ARNT2: variants seen among roughly 807,000 people sequenced by gnomAD.
ARNT2 encodes ARNT protein 2.
A neutral mutation model predicts 91.7 loss-of-function variants in ARNT2; 36 were observed. The ratio of observed to expected loss-of-function variants is 0.39; its 90% confidence interval spans 0.30 to 0.52. The LOEUF (loss-of-function observed/expected upper bound fraction) is 0.52. ARNT2 is among the 20% of genes least tolerant of loss of function. The probability of loss-of-function intolerance (pLI) is 0.72; values close to 1 mark genes in which losing one functional copy is unlikely to be tolerated. For synonymous variants in ARNT2, 365 were observed against 347.1 expected (o/e 1.05, Z -0.57); for missense variants, 775 against 939.3 (o/e 0.83, Z 2.29).
chr15:80,522,820 G>GTGTATATATATA (rs548555538), intron 8 of ARNT2, among the ~76,000 whole-genome samples: 1 of 135,704 alleles, frequency 7.4e-6, no homozygotes, highest in Non-Finnish European at 1.6e-5. Flanking sequence ...GTGTGTGTGT[G>GTGTATATATATA]TATATATATA....
At chr15:80,428,012 G>A (rs1895956826) in intron 1 of ARNT2, among the ~76,000 whole-genome samples, 2 of 152,216 alleles carry the variant, frequency 1.3e-5, no homozygotes, top group Admixed American at 6.5e-5. Context: ...AGCTCGGCCT[G>A]ATAATGAGGA....
Position 80,570,882 on chromosome 15 carries a change from C to T in ARNT2, c.1317-3266C>T, listed in dbSNP as rs537220679. On this transcript the variant is annotated intron_variant, in intron 12 of 18. Transcript: ENST00000303329. ...CGTACAGTTCACTGAATGAATGACT[C>T]TTCTGGGCTGAATTCGAAACAGAAT... is the stretch of plus-strand genomic sequence containing the variant. Among the ~76,000 whole-genome samples the T allele has an allele frequency of 7.2e-4, 110 of 152,290 alleles. 2 individuals are homozygous for T. The highest frequency in any genetic ancestry group is 2.5e-3 in the African/African-American group (103 of 41,548).
At chr15:80,437,922 T>TACACACACAC (rs58142108) in intron 1 of ARNT2, among the ~76,000 whole-genome samples, 17,323 of 141,456 alleles carry the variant, frequency 0.12, 1,295 homozygotes, top group Non-Finnish European at 0.17. Flanking sequence ...TGTATTTACC[T>TACACACACAC]ACACACACAC....
chr15:80,474,903 G>T, intron 4 of ARNT2, 107 bp from the exon 5 acceptor site: 1 of 1,134,500 alleles, frequency 8.8e-7, no homozygotes, highest in Non-Finnish European at 1.3e-6. Context: ...TTGTGTACCA[G>T]AATAAATATG....
intron 8 of ARNT2, among the ~76,000 whole-genome samples, chr15:80,532,957 G>A (rs1001999778): frequency 2.6e-5 from 4 of 152,210 alleles, no homozygotes; most frequent in African/African-American, 4.8e-5. Flanking sequence ...AAGAAGAGGA[G>A]AGAGTGGTGG....
intron 8 of ARNT2, among the ~76,000 whole-genome samples, chr15:80,548,218 A>T (rs896831990): frequency 5.9e-5 from 9 of 152,198 alleles, no homozygotes; most frequent in African/African-American, 2.2e-4. Flanking sequence ...GCTGTCCATT[A>T]TTAACCAAGG....
Position 80,552,651 on chromosome 15 carries a change from T to G in ARNT2, c.966T>G (p.Ser322=). The G allele has an allele frequency of 6.2e-7, 1 of 1,614,086 alleles. No individual in the cohort carries two copies. The highest frequency in any genetic ancestry group is 1.1e-5 in the South Asian group (1 of 91,038). Residue 322 remains serine, a synonymous_variant, in exon 10 of 19, where the codon TCT becomes TCG. Coordinates refer to ENST00000303329, the MANE Select transcript of ARNT2 (RefSeq NM_014862.4). ...VAIGRLQVTS[S]PVCMDMNGMS... ...TTTCCCCATCCCAGGTGACCAGCTCTCCTGTATGCATGGACATGAATGGGA... is the reference window on the plus strand; with the variant it reads ...TTTCCCCATCCCAGGTGACCAGCTCGCCTGTATGCATGGACATGAATGGGA...
At chr15:80,544,303 G>A (rs1897957487) in intron 8 of ARNT2, among the ~76,000 whole-genome samples, 1 of 152,118 alleles carries the variant, frequency 6.6e-6, no homozygotes, top group South Asian at 2.1e-4. Flanking sequence ...GCTAGACATT[G>A]TGAAATTTAA....
At chr15:80,426,074 G>T (rs754191334) in intron 1 of ARNT2, among the ~76,000 whole-genome samples, 2 of 152,052 alleles carry the variant, frequency 1.3e-5, no homozygotes, top group Non-Finnish European at 2.9e-5. Context: ...GAAAAGAAAA[G>T]AAAAGAAAAG....
intron 8 of ARNT2, among the ~76,000 whole-genome samples, chr15:80,550,101 G>T (rs1898057992): frequency 6.6e-6 from 1 of 152,202 alleles, no homozygotes; most frequent in Admixed American, 6.5e-5. Context: ...GCCCAAGAGT[G>T]TCTACAGTAA....
At position 80,473,252 on chromosome 15, in the gene ARNT2, A is replaced by G. The variant is rs144155003; in HGVS notation, c.409-1758A>G. 2.1e-4 allele frequency among the ~76,000 whole-genome samples: 32 copies of G among 152,252 alleles called. No individual in the cohort carries two copies. In the East Asian group the frequency reaches 5.8e-3, roughly 28 times the overall value. ...CCGTGACTGTTTTCTTGGAGTGTAG[A>G]GGCTGGTTCTGGATCAGGGCACAGG... On this transcript the variant is annotated intron_variant, in intron 4 of 18. Coordinates refer to ENST00000303329, the MANE Select transcript of ARNT2 (RefSeq NM_014862.4).
At chr15:80,537,576 C>T (rs151054408) in intron 8 of ARNT2, among the ~76,000 whole-genome samples, 62 of 152,346 alleles carry the variant, frequency 4.1e-4, no homozygotes, top group African/African-American at 1.4e-3. Context: ...TGTCCATGAT[C>T]AATCTGTGAT....
intron 17 of ARNT2, among the ~76,000 whole-genome samples, chr15:80,584,163 C>T (rs1032166573): frequency 4.6e-5 from 7 of 152,028 alleles, no homozygotes; most frequent in Non-Finnish European, 7.4e-5. Flanking sequence ...AGGGAGACCT[C>T]GAGGCGAGGG....
chr15:80,434,897 C>T lies in ARNT2; in HGVS notation c.32-15983C>T, dbSNP rs142110313. 8.6e-5 allele frequency among the ~76,000 whole-genome samples: 13 copies of T among 152,042 alleles called. No homozygotes were observed. In the East Asian group the frequency reaches 1.9e-3, roughly 23 times the overall value. Reference sequence around the variant, plus strand: ...TCCTGAATCTTTCTGAGGTCCTGGGCGCAGGGTGGGTGGGAGATGGATACA... The same window carrying T: ...TCCTGAATCTTTCTGAGGTCCTGGGTGCAGGGTGGGTGGGAGATGGATACA... On this transcript the variant is annotated intron_variant, in intron 1 of 18. Transcript: ENST00000303329.
At position 80,566,835 on chromosome 15, in the gene ARNT2, G is replaced by C. The variant is rs372027326; in HGVS notation, c.1316+3596G>C. On this transcript the variant is annotated intron_variant, in intron 12 of 18. Coordinates refer to ENST00000303329, the MANE Select transcript of ARNT2 (RefSeq NM_014862.4). ...TTTGCCTTCTAGTCAAGACGTTCTT[G>C]GTTGTAAGTAGAGCAGGAACAAATG... Among the ~76,000 whole-genome samples, 10 of 152,288 alleles carry C rather than the reference G, an allele frequency of 6.6e-5. No homozygotes were observed. In the South Asian group the frequency reaches 1.0e-3, roughly 16 times the overall value.
chr15:80,555,585 G>A (rs1169432580), intron 11 of ARNT2: 1 of 159,816 alleles, frequency 6.3e-6, no homozygotes, highest in Non-Finnish European at 1.4e-5. Flanking sequence ...GAGGAGGTGG[G>A]CAGTGGTGAT....
intron 3 of ARNT2, among the ~76,000 whole-genome samples, chr15:80,468,122 AC>A (rs1896683559): frequency 6.6e-6 from 1 of 151,970 alleles, no homozygotes. Flanking sequence ...GCCCTTCCCT[AC>A]CAGAGTGGCT....
Position 80,470,404 on chromosome 15 carries a change from G to A in ARNT2, c.381G>A (p.Ala127=), listed in dbSNP as rs547479764. 3.5e-5 allele frequency: 57 copies of A among 1,614,044 alleles called. No individual in the cohort carries two copies. Among genetic ancestry groups the A allele is most frequent in the Middle Eastern group, 1.6e-4 (1 of 6,082 alleles). The stretch of plus-strand genomic sequence containing the variant: ...CAGGGAACAAGTCCACCGATGGCGC[G>A]TACAAGCCTTCCTTCCTCACAGAGC... ...RGTGNKSTDG[A]YKPSFLTEQE... The change falls in exon 4 of 19, where the codon GCG becomes GCA. Residue 127 remains alanine (A), a synonymous_variant. Transcript: ENST00000303329.
chr15:80,453,579 A>G (rs182209100), intron 2 of ARNT2, among the ~76,000 whole-genome samples: 4 of 152,312 alleles, frequency 2.6e-5, no homozygotes, highest in Admixed American at 2.0e-4. Flanking sequence ...AGCTCCTTCA[A>G]CCACAGCCTA....
Sources: gnomAD v4.1 joint callset for allele counts (sites outside exome capture counted in the v4.1 genomes callset) on GRCh38, gnomAD v4.1.1 for gene constraint, MANE v1.5 for transcripts, NCBI Gene and HGNC (gene_info 2026-07-23, HGNC 2026-07-21) for gene names.